The following UBR7 variants were observed in gnomAD, a reference collection of about 807,000 sequenced individuals.
UBR7 encodes ubiquitin protein ligase E3 component n-recognin 7.
Under a neutral mutation model 57.0 loss-of-function variants are expected in UBR7, and 22 were observed. The ratio of observed to expected loss-of-function variants is 0.39; its 90% CI spans 0.28 to 0.55. The LOEUF (loss-of-function observed/expected upper bound fraction) is 0.55. UBR7 is among the 20% of genes least tolerant of loss of function. The probability of loss-of-function intolerance (pLI) is 0.69; values close to 1 mark genes in which losing one functional copy is unlikely to be tolerated. For missense variants in UBR7, 395 were observed against 513.2 expected, an observed-to-expected ratio of 0.77 and a Z score of 2.23; for synonymous variants, 167 against 179.8, an observed-to-expected ratio of 0.93 and a Z score of 0.57.
At chr14:93,219,699 T>A (rs908132654) in intron 8 of UBR7, among the ~76,000 whole-genome samples, 3 of 152,164 alleles carry the variant, frequency 2.0e-5, no homozygotes, top group African/African-American at 7.2e-5. Flanking sequence ...ATTGGCCAGG[T>A]GCTTTGGCTC....
Position 93,228,001 on chromosome 14 carries a change from T to A in UBR7, c.*966T>A. 8.6e-6 allele frequency: 6 copies of A among 699,056 alleles called. No individual in the cohort carries two copies. The highest frequency in any genetic ancestry group is 1.6e-5 in the Non-Finnish European group (6 of 384,392). 43.3% of individuals were successfully genotyped at this position (699,056 alleles called of 1,614,324 possible). A position where few individuals can be genotyped will look rare whatever the true frequency, so the allele number is the denominator to read the frequency against. The stretch of plus-strand genomic sequence containing the variant: ...TAGAACCCCAATAAATTATTATTTT[T>A]CCCCCTTGAATCTGCTAAAGAAAAC... On this transcript the variant is annotated 3_prime_UTR_variant, in exon 11 of 11. Coordinates refer to ENST00000013070, the MANE Select transcript of UBR7 (RefSeq NM_175748.4).
At chr14:93,212,594 T>C (rs1894507807) in intron 4 of UBR7, among the ~76,000 whole-genome samples, 1 of 152,222 alleles carries the variant, frequency 6.6e-6, no homozygotes, top group Non-Finnish European at 1.5e-5. Flanking sequence ...GGTGTGTATA[T>C]TTTTAGTCCT....
chr14:93,225,141 T>C (rs185415868), intron 10 of UBR7, among the ~76,000 whole-genome samples: 143 of 152,234 alleles, frequency 9.4e-4, no homozygotes, highest in Admixed American at 3.2e-3. Context: ...GGTATTTTTG[T>C]TGTTTGTTCC....
At chr14:93,210,580 G>A in intron 2 of UBR7, 68 bp from the exon 3 acceptor site, 1 of 1,384,870 alleles carries the variant, frequency 7.2e-7, no homozygotes, top group Non-Finnish European at 1.0e-6. Flanking sequence ...GTGCTTGAAT[G>A]CTTGAAGAAA....
At chr14:93,223,078 TC>T (rs1894743894) in intron 10 of UBR7, among the ~76,000 whole-genome samples, 1 of 152,132 alleles carries the variant, frequency 6.6e-6, no homozygotes, top group South Asian at 2.1e-4. Context: ...TTTCTGGAAT[TC>T]TAAGTTCCAT....
rs1894498808 is a variant in UBR7 at position 93,212,178 on chromosome 14, T to C, written c.441+51T>C. The C allele has an allele frequency of 4.4e-6, 6 of 1,364,554 alleles. No homozygotes were observed. In the African/African-American group the frequency reaches 8.6e-5, roughly 20 times the overall value. 84.5% of individuals were successfully genotyped at this position (1,364,554 alleles called of 1,614,324 possible). Reference sequence around the variant, plus strand: ...GGGGTGTGTCCCCTCTAGCCTTGATTCCTCAACTGCTTGTCATATCCGAGC... The same window carrying C: ...GGGGTGTGTCCCCTCTAGCCTTGATCCCTCAACTGCTTGTCATATCCGAGC... On this transcript the variant is annotated intron_variant, in intron 4 of 10. Coordinates refer to ENST00000013070, the MANE Select transcript of UBR7 (RefSeq NM_175748.4).
Position 93,207,459 on chromosome 14 carries a change from G to C in UBR7, c.150+18G>C, listed in dbSNP as rs746586752. 5 of 1,538,608 alleles carry C rather than the reference G, an allele frequency of 3.2e-6. No homozygotes were observed. In the Admixed American group the frequency reaches 1.0e-4, roughly 32 times the overall value. On this transcript the variant is annotated intron_variant, in intron 1 of 10. Transcript: ENST00000013070. ...ACTCTCAGGTGGGCGCGCGGCCCGGGCCTCCTCTCCCCCGGCTCCCGCCGA... is the reference window on the plus strand; with the variant it reads ...ACTCTCAGGTGGGCGCGCGGCCCGGCCCTCCTCTCCCCCGGCTCCCGCCGA...
chr14:93,224,524 C>T (rs1329711174), intron 10 of UBR7, among the ~76,000 whole-genome samples: 1 of 151,868 alleles, frequency 6.6e-6, no homozygotes, highest in Non-Finnish European at 1.5e-5. Flanking sequence ...ACTACAGGCA[C>T]CCGCCACCAC....
Position 93,207,742 on chromosome 14 carries a change from C to A in UBR7, c.150+301C>A, listed in dbSNP as rs11849154. Among the ~76,000 whole-genome samples the A allele has an allele frequency of 5.0e-3, 769 of 152,300 alleles. 8 individuals are homozygous for A. The highest frequency in any genetic ancestry group is 0.018 in the African/African-American group (729 of 41,558). ...TCCTCTCCAGCCTCTTCTTGGTGCA[C>A]CACTGCTTTTCACGAAACCACCCCG... is the stretch of plus-strand genomic sequence containing the variant. On this transcript the variant is annotated intron_variant, in intron 1 of 10. Coordinates refer to ENST00000013070, the MANE Select transcript of UBR7 (RefSeq NM_175748.4).
In UBR7 at chr14:93,207,372, C is replaced by T; in HGVS notation, c.81C>T (p.Asp27=). The T allele has an allele frequency of 1.9e-6, 3 of 1,556,462 alleles. No individual in the cohort carries two copies. Among genetic ancestry groups the T allele is most frequent in the South Asian group, 1.2e-5 (1 of 84,064 alleles). The change falls in exon 1 of 11, where the codon GAC becomes GAT. Residue 27 remains aspartate (D), a synonymous_variant. Transcript: ENST00000013070. ...VVSLVDVLEE[D]EELENEACAV... is the part of the protein sequence containing the mutation. Reference sequence around the variant, plus strand: ...CGTTGGTCGACGTCCTTGAGGAGGACGAGGAGCTGGAGAATGAGGCGTGCG... The same window carrying T: ...CGTTGGTCGACGTCCTTGAGGAGGATGAGGAGCTGGAGAATGAGGCGTGCG...
At chr14:93,213,549 C>T (rs559322350) in intron 4 of UBR7, among the ~76,000 whole-genome samples, 14 of 152,266 alleles carry the variant, frequency 9.2e-5, no homozygotes, top group East Asian at 1.9e-4. Flanking sequence ...CCTCATGATC[C>T]GCCTGCCTCG....
chr14:93,207,312 C>G lies in UBR7; in HGVS notation c.21C>G (p.Ala7=). The change falls in exon 1 of 11, where the codon GCC becomes GCG. Residue 7 remains alanine (A), a synonymous_variant. Transcript: ENST00000013070. The part of the protein sequence containing the change: MAGAEG[A]AGRQSELEPV... The stretch of plus-strand genomic sequence containing the variant: ...TGAGGATGGCCGGAGCCGAGGGCGC[C>G]GCTGGGCGGCAGTCGGAGCTGGAGC... 2.6e-6 allele frequency: 4 copies of G among 1,557,086 alleles called. No individual in the cohort carries two copies. Among genetic ancestry groups the G allele is most frequent in the Non-Finnish European group, 3.5e-6 (4 of 1,150,072 alleles).
chr14:93,223,652 A>G, intron 10 of UBR7: 2 of 1,389,868 alleles, frequency 1.4e-6, no homozygotes, highest in South Asian at 1.2e-5. Context: ...GCTGACGGGC[A>G]GGACCCGGTG....
intron 10 of UBR7, chr14:93,223,526 CT>C: frequency 1.3e-5 from 8 of 626,448 alleles, no homozygotes; most frequent in Admixed American, 2.9e-5. Context: ...TCATTTTTTC[CT>C]TTTTTTTCTT....
chr14:93,227,669 A>G lies in UBR7; in HGVS notation c.*634A>G. 1 of 700,902 alleles carries G rather than the reference A, an allele frequency of 1.4e-6. No individual in the cohort carries two copies. Among genetic ancestry groups the G allele is most frequent in the Non-Finnish European group, 2.6e-6 (1 of 384,830 alleles). 43.4% of individuals were successfully genotyped at this position (700,902 alleles called of 1,614,324 possible). ...GTCTGTCACAGGCGGAGAGATTAAC[A>G]GATGACAGGGTTGAGGAAGCAAGCC... is the stretch of plus-strand genomic sequence containing the variant. On this transcript the variant is annotated 3_prime_UTR_variant, in exon 11 of 11. Coordinates refer to ENST00000013070, the MANE Select transcript of UBR7 (RefSeq NM_175748.4).
chr14:93,220,040 CT>C (rs928058254), intron 8 of UBR7, among the ~76,000 whole-genome samples: 3 of 151,804 alleles, frequency 2.0e-5, no homozygotes, highest in African/African-American at 7.3e-5. Context: ...CATATGACAT[CT>C]GGGAAATTGG....
chr14:93,228,733 A>G lies in UBR7; in HGVS notation c.*1698A>G. 2.2e-6 allele frequency: 1 copy of G among 453,934 alleles called. No individual in the cohort carries two copies. Among genetic ancestry groups the G allele is most frequent in the Non-Finnish European group, 4.4e-6 (1 of 226,756 alleles). The allele number at this position is 453,934 out of a possible 1,614,324, so 28.1% of individuals were successfully genotyped here. On this transcript the variant is annotated 3_prime_UTR_variant, in exon 11 of 11. Transcript: ENST00000013070. ...TCTTCCAAGTCTGACAATGTTTCGA[A>G]CCCTTTTTGCAAGGTTGCACTATTA... is the stretch of plus-strand genomic sequence containing the variant.
At chr14:93,214,849 A>G in intron 4 of UBR7, 80 bp from the exon 5 acceptor site, 1 of 1,239,196 alleles carries the variant, frequency 8.1e-7, no homozygotes, top group Non-Finnish European at 1.2e-6. Flanking sequence ...AATATTTAGT[A>G]TCTTATTTTA....
At chr14:93,208,237 A>G (rs928845862) in intron 1 of UBR7, among the ~76,000 whole-genome samples, 2 of 152,048 alleles carry the variant, frequency 1.3e-5, no homozygotes, top group African/African-American at 4.8e-5. Context: ...TGGTAGGAAG[A>G]AGGGTTACCT....
Sources: gnomAD v4.1 joint callset for allele counts (sites outside exome capture counted in the v4.1 genomes callset) on GRCh38, gnomAD v4.1.1 for gene constraint, MANE v1.5 for transcripts, NCBI Gene and HGNC (gene_info 2026-07-23, HGNC 2026-07-21) for gene names.